Variants in HCN1 observed in about 807,000 individuals in gnomAD.
HCN1 encodes potassium/sodium hyperpolarization-activated cyclic nucleotide-gated channel 1.
Under a neutral mutation model 78.9 loss-of-function variants are expected in HCN1, and 13 were observed. The ratio of observed to expected loss-of-function variants is 0.16; its 90% CI spans 0.11 to 0.26. The LOEUF is 0.26. Among genes scored for constraint, HCN1 ranks in the 10% least tolerant of loss-of-function variants. The pLI, the probability that HCN1 is intolerant of heterozygous loss-of-function variation, is 1.00. For synonymous variants in HCN1, 552 were observed against 455.5 expected (o/e 1.21, Z -2.70); for missense variants, 810 against 1,154.3 (o/e 0.70, Z 4.32).
intron 3 of HCN1, among the ~76,000 whole-genome samples, chr5:45,411,371 T>TTA (rs1031757959): frequency 6.6e-6 from 1 of 151,930 alleles, no homozygotes; most frequent in African/African-American, 2.4e-5. Context: ...TTTTTTTTTT[T>TTA]ATTCTACCCA....
chr5:45,361,657 C>T (rs997416786), intron 4 of HCN1, among the ~76,000 whole-genome samples: 1 of 152,126 alleles, frequency 6.6e-6, no homozygotes, highest in Non-Finnish European at 1.5e-5. Flanking sequence ...TGCTTTCTTG[C>T]TTATGGAACT....
At chr5:45,561,812 ATACT>A (rs1344801393) in intron 2 of HCN1, among the ~76,000 whole-genome samples, 2 of 152,122 alleles carry the variant, frequency 1.3e-5, no homozygotes, top group Non-Finnish European at 2.9e-5. Context: ...GTGATTAATC[ATACT>A]TACTTAACAA....
chr5:45,394,806 C>G (rs1430575702), intron 4 of HCN1, among the ~76,000 whole-genome samples: 1 of 150,982 alleles, frequency 6.6e-6, no homozygotes, highest in Non-Finnish European at 1.5e-5. Context: ...ACAGAGACTC[C>G]ATTTCAAAAA....
At chr5:45,619,511 A>T (rs1194751763) in intron 2 of HCN1, among the ~76,000 whole-genome samples, 2 of 152,142 alleles carry the variant, frequency 1.3e-5, no homozygotes, top group Admixed American at 1.3e-4. Flanking sequence ...TCGAATAGGA[A>T]CTGAATAAAT....
chr5:45,459,436 T>A (rs1278754951), intron 3 of HCN1, among the ~76,000 whole-genome samples: 4 of 143,796 alleles, frequency 2.8e-5, no homozygotes, highest in Non-Finnish European at 3.0e-5. Flanking sequence ...GAATTGCAAA[T>A]TCTGGAAAGA....
At chr5:45,582,129 G>A (rs1744090302) in intron 2 of HCN1, among the ~76,000 whole-genome samples, 1 of 151,976 alleles carries the variant, frequency 6.6e-6, no homozygotes, top group Non-Finnish European at 1.5e-5. Context: ...CCATTTTCAC[G>A]GTATTGATTC....
At chr5:45,443,175 T>C (rs769434209) in intron 3 of HCN1, among the ~76,000 whole-genome samples, 9 of 152,014 alleles carry the variant, frequency 5.9e-5, no homozygotes, top group Non-Finnish European at 8.8e-5. Context: ...AACCATAATA[T>C]ATTCAATTGT....
chr5:45,382,587 C>T (rs922182728), intron 4 of HCN1, among the ~76,000 whole-genome samples: 3 of 152,078 alleles, frequency 2.0e-5, no homozygotes, highest in African/African-American at 7.2e-5. Context: ...TCTGTCTCCT[C>T]CTTAACCTGT....
At chr5:45,404,063 T>G (rs1207130334) in intron 3 of HCN1, among the ~76,000 whole-genome samples, 1 of 152,196 alleles carries the variant, frequency 6.6e-6, no homozygotes, top group Non-Finnish European at 1.5e-5. Flanking sequence ...CCTGTTTGCC[T>G]TATTTTAATC....
chr5:45,357,424 C>T (rs1747024553), intron 4 of HCN1, among the ~76,000 whole-genome samples: 1 of 151,898 alleles, frequency 6.6e-6, no homozygotes, highest in Admixed American at 6.6e-5. Flanking sequence ...CTCTGCATTC[C>T]CTACATTTTC....
At chr5:45,355,885 T>C (rs1579836633) in intron 4 of HCN1, among the ~76,000 whole-genome samples, 1 of 151,996 alleles carries the variant, frequency 6.6e-6, no homozygotes, top group African/African-American at 2.4e-5. Context: ...AAACAGGTAC[T>C]GAACAGTGGC....
At chr5:45,645,154 T>C (rs969755585) in intron 2 of HCN1, 31 bp downstream of exon 2, 4 of 1,504,784 alleles carry the variant, frequency 2.7e-6, no homozygotes, top group Non-Finnish European at 9.2e-7. Context: ...TTTCATGATA[T>C]AGATTTAAAA....
chr5:45,561,638 T>C (rs1345099493), intron 2 of HCN1, among the ~76,000 whole-genome samples: 4 of 151,978 alleles, frequency 2.6e-5, no homozygotes, highest in African/African-American at 9.7e-5. Context: ...TCTTTGTTAT[T>C]TATGAGCCCC....
intron 5 of HCN1, among the ~76,000 whole-genome samples, chr5:45,310,139 C>T (rs533592282): frequency 7.2e-5 from 11 of 152,052 alleles, no homozygotes; most frequent in Admixed American, 6.6e-4. Context: ...CCAAAAGCAA[C>T]TGCAACAAAT....
intron 2 of HCN1, among the ~76,000 whole-genome samples, chr5:45,637,769 T>A (rs1745381417): frequency 6.6e-6 from 1 of 152,118 alleles, no homozygotes; most frequent in Non-Finnish European, 1.5e-5. Flanking sequence ...CTAAAGAGGT[T>A]CAACATAGTT....
intron 5 of HCN1, among the ~76,000 whole-genome samples, chr5:45,326,253 G>A (rs1579813147): frequency 1.3e-5 from 2 of 151,426 alleles, no homozygotes; most frequent in East Asian, 3.9e-4. Context: ...ATAAACAACT[G>A]AAAATGTATA....
intron 2 of HCN1, among the ~76,000 whole-genome samples, chr5:45,511,369 G>A (rs1029138421): frequency 6.6e-6 from 1 of 152,046 alleles, no homozygotes; most frequent in Admixed American, 6.6e-5. Flanking sequence ...AGTGTACGCT[G>A]CATGTAGTGA....
chr5:45,349,290 A>G (rs1386920445), intron 5 of HCN1, among the ~76,000 whole-genome samples: 3 of 152,202 alleles, frequency 2.0e-5, no homozygotes, highest in Non-Finnish European at 2.9e-5. Context: ...ACATAACGAA[A>G]TGAAGGCAGA....
chr5:45,523,617 T>C (rs1369268320), intron 2 of HCN1, among the ~76,000 whole-genome samples: 3 of 152,156 alleles, frequency 2.0e-5, no homozygotes, highest in African/African-American at 7.2e-5. Flanking sequence ...CCAGTGATGG[T>C]GAGCATTTTT....
Sources: allele counts gnomAD v4.1 joint callset (sites outside exome capture counted in the v4.1 genomes callset), GRCh38; gene constraint gnomAD v4.1.1; transcripts MANE v1.5; gene names NCBI Gene and HGNC (gene_info 2026-07-23, HGNC 2026-07-21).